Variants in DGKH observed in about 807,000 individuals in gnomAD.
DGKH encodes diacylglycerol kinase eta, also known as DAG kinase eta.
A neutral mutation model predicts 159.3 loss-of-function variants in DGKH; 90 were observed. That is an observed-to-expected ratio of 0.57 (90% confidence interval 0.48 to 0.67). The LOEUF (loss-of-function observed/expected upper bound fraction) is 0.67. DGKH is among the 30% of genes least tolerant of loss of function. DGKH has a pLI of 0.00. For missense variants in DGKH, 1,181 were observed against 1,506.1 expected (o/e 0.78, Z 3.57); for synonymous variants, 536 against 553.8 (o/e 0.97, Z 0.45).
chr13:42,049,707 T>C (rs1435067433), intron 1 of DGKH, among the ~76,000 whole-genome samples: 2 of 152,194 alleles, frequency 1.3e-5, no homozygotes, highest in Admixed American at 6.5e-5. Flanking sequence ...TTTTTAATAA[T>C]GAGAAGTTAC....
rs748469661 is a variant in DGKH, at chr13:42,240,621, A to AT, written c.*11436dup. 3.9e-5 allele frequency: 6 copies of AT among 152,174 alleles called. No individual in the cohort carries two copies. Among genetic ancestry groups the AT allele is most frequent in the Admixed American group, 2.6e-4 (4 of 15,280 alleles). The allele number at this position is 152,174 out of a possible 1,614,324, so 9.4% of individuals were successfully genotyped here. A position where few individuals can be genotyped will look rare whatever the true frequency, so the allele number is the denominator to read the frequency against. On this transcript the variant is annotated 3_prime_UTR_variant, in exon 30 of 30. Transcript: ENST00000337343. ...GGGGGAAATAGACTGAGTTTGTGTG[A>AT]TTTCAGGTTATTTAGAGTTATTAAT...
chr13:42,177,483 A>G (rs1956634454), intron 12 of DGKH, among the ~76,000 whole-genome samples: 1 of 152,054 alleles, frequency 6.6e-6, no homozygotes, highest in East Asian at 1.9e-4. Context: ...GGTGAACACA[A>G]TTTTGCATTT....
intron 1 of DGKH, among the ~76,000 whole-genome samples, chr13:42,110,001 G>T (rs973471730): frequency 6.6e-6 from 1 of 152,108 alleles, no homozygotes; most frequent in African/African-American, 2.4e-5. Context: ...CCCATCCAGA[G>T]AACTGACAGA....
At position 42,190,497 on chromosome 13, in the gene DGKH, A is replaced by G; in HGVS notation, c.2007A>G (p.Lys669=). 2 of 1,604,646 alleles carry G rather than the reference A, an allele frequency of 1.2e-6. No individual in the cohort carries two copies. Among genetic ancestry groups the G allele is most frequent in the East Asian group, 2.3e-5 (1 of 44,048 alleles). The stretch of plus-strand genomic sequence containing the variant: ...CAGATGAATCTAAGGAGGAAGCTAA[A>G]GATGATGGTGCCAAAGAATCAATAA... ...TETDESKEEA[K]DDGAKESITV... Residue 669 remains lysine (K), a synonymous_variant, in exon 16 of 30, where the codon AAA becomes AAG. Transcript: ENST00000337343.
At chr13:42,202,989 A>C (rs1957383762) in intron 20 of DGKH, among the ~76,000 whole-genome samples, 1 of 152,216 alleles carries the variant, frequency 6.6e-6, no homozygotes, top group Admixed American at 6.5e-5. Flanking sequence ...TTTAAAAAAC[A>C]GTCTTCATCT....
At chr13:42,100,069 G>T (rs1954625178) in intron 1 of DGKH, among the ~76,000 whole-genome samples, 1 of 152,210 alleles carries the variant, frequency 6.6e-6, no homozygotes, top group African/African-American at 2.4e-5. Context: ...ACAGTAGGAG[G>T]TGAGTGGGGG....
intron 1 of DGKH, chr13:42,071,222 A>G (rs12427854): frequency 0.63 from 248,861 of 392,896 alleles, 79,955 homozygotes; most frequent in Non-Finnish European, 0.68. Flanking sequence ...CCACAGCAAG[A>G]TGGTTTCTTG....
chr13:42,234,819 T>C lies in DGKH; in HGVS notation c.*5631T>C, dbSNP rs1958382827. On this transcript the variant is annotated 3_prime_UTR_variant, in exon 30 of 30. Coordinates refer to ENST00000337343, the MANE Select transcript of DGKH (RefSeq NM_178009.5). ...GGCTTGTCTCTTCTATGGCATCCCC[T>C]GATTGACTTTTGTATAGCAACCTCT... is the stretch of plus-strand genomic sequence containing the variant. 1.3e-5 allele frequency: 2 copies of C among 152,214 alleles called. No individual in the cohort carries two copies. Among genetic ancestry groups the C allele is most frequent in the Non-Finnish European group, 2.9e-5 (2 of 68,036 alleles). The allele number at this position is 152,214 out of a possible 1,614,324, so 9.4% of individuals were successfully genotyped here.
chr13:42,119,408 C>T (rs896736458), intron 1 of DGKH, among the ~76,000 whole-genome samples: 1 of 152,218 alleles, frequency 6.6e-6, no homozygotes, highest in Non-Finnish European at 1.5e-5. Flanking sequence ...GCCGAGGTGG[C>T]TTCCCATGGT....
chr13:42,135,489 C>CACAAAAAA lies in DGKH; in HGVS notation c.384+5858_384+5859insCAAAAAAA, dbSNP rs1223953901. Among the ~76,000 whole-genome samples the CACAAAAAA allele has an allele frequency of 1.6e-4, 8 of 50,984 alleles. 1 individual carries two copies. The highest frequency in any genetic ancestry group is 3.4e-4 in the Non-Finnish European group (8 of 23,414). The allele number at this position is 50,984 out of a possible 152,430, so 33.4% of individuals were successfully genotyped here. On this transcript the variant is annotated intron_variant, in intron 3 of 29. Coordinates refer to ENST00000337343, the MANE Select transcript of DGKH (RefSeq NM_178009.5). The stretch of plus-strand genomic sequence containing the variant: ...TGGGTGGCAGAGAAAGACCCTGTCT[C>CACAAAAAA]AGAAAAAAAAAAAAAAAAAGAGAGA...
In DGKH at chr13:42,194,957, C is replaced by T; in HGVS notation, c.2108C>T (p.Pro703Leu). ...TCCCAAACTGATTCTGTCCCTGGTC[C>T]AGCTGTGGCAGCCAGCAAAGAAAAC... ...GHSQTDSVPG[P>L]AVAASKENLP... Residue 703 changes from proline (P) to leucine (L), a missense_variant, in exon 17 of 30, where the codon CCA (proline) becomes CTA (leucine). Coordinates refer to ENST00000337343, the MANE Select transcript of DGKH (RefSeq NM_178009.5). The T allele has an allele frequency of 1.9e-6, 3 of 1,614,052 alleles. No homozygotes were observed. Among genetic ancestry groups the T allele is most frequent in the Non-Finnish European group, 2.5e-6 (3 of 1,179,956 alleles).
chr13:42,139,663 A>G (rs1002170070), intron 3 of DGKH, among the ~76,000 whole-genome samples: 3 of 152,172 alleles, frequency 2.0e-5, no homozygotes, highest in African/African-American at 7.2e-5. Context: ...CACTTCCAGG[A>G]CTGCCCTTAG....
chr13:42,099,786 AG>A (rs1213954553), intron 1 of DGKH, among the ~76,000 whole-genome samples: 4 of 152,194 alleles, frequency 2.6e-5, no homozygotes, highest in Non-Finnish European at 5.9e-5. Flanking sequence ...AAAATGATAA[AG>A]CAAGATGATG....
chr13:42,058,592 GA>G (rs2137660140), intron 1 of DGKH, among the ~76,000 whole-genome samples: 1 of 152,298 alleles, frequency 6.6e-6, no homozygotes, highest in African/African-American at 2.4e-5. Context: ...TATTATATTA[GA>G]TGACCTCAGA....
At chr13:42,062,967 C>G (rs1467771708) in intron 1 of DGKH, among the ~76,000 whole-genome samples, 3 of 151,992 alleles carry the variant, frequency 2.0e-5, no homozygotes, top group Non-Finnish European at 4.4e-5. Context: ...GAAGAAAAAT[C>G]TGGTATTTCT....
intron 24 of DGKH, among the ~76,000 whole-genome samples, chr13:42,211,386 C>T (rs541755365): frequency 4.1e-4 from 62 of 152,182 alleles, no homozygotes; most frequent in Middle Eastern, 3.4e-3. Context: ...TACCTGAGAC[C>T]GGGTAATTTA....
intron 21 of DGKH, among the ~76,000 whole-genome samples, chr13:42,207,625 A>G (rs1240286144): frequency 1.3e-5 from 2 of 150,834 alleles, no homozygotes; most frequent in Non-Finnish European, 3.0e-5. Context: ...TTAGAAAAAG[A>G]AGAAAACACA....
At chr13:42,060,288 G>A (rs1404848077) in intron 1 of DGKH, among the ~76,000 whole-genome samples, 4 of 152,052 alleles carry the variant, frequency 2.6e-5, no homozygotes, top group Admixed American at 2.6e-4. Flanking sequence ...AAATGTTTTT[G>A]TTTCCTAGAA....
intron 14 of DGKH, among the ~76,000 whole-genome samples, chr13:42,187,402 AGTCTTGCTCTG>A (rs1277446443): frequency 6.6e-6 from 1 of 152,040 alleles, no homozygotes; most frequent in African/African-American, 2.4e-5. Context: ...TTGGAGACAG[AGTCTTGCTCTG>A]TCACCCAGGC....
Sources: allele counts gnomAD v4.1 joint callset (sites outside exome capture counted in the v4.1 genomes callset), GRCh38; gene constraint gnomAD v4.1.1; transcripts MANE v1.5; gene names NCBI Gene and HGNC (gene_info 2026-07-23, HGNC 2026-07-21).